Variants in RNF217 observed in about 807,000 individuals in gnomAD.
RNF217 encodes E3 ubiquitin-protein ligase RNF217.
In RNF217, 31 loss-of-function variants were observed where a neutral mutation model predicts 57.8. The ratio of observed to expected loss-of-function variants is 0.54; its 90% CI spans 0.40 to 0.72. The LOEUF is 0.72. RNF217 is among the 30% of genes least tolerant of loss of function. The pLI is 0.00. For synonymous variants in RNF217, 313 were observed against 294.0 expected (o/e 1.06, Z -0.66); for missense variants, 696 against 708.3 (o/e 0.98, Z 0.20).
chr6:125,012,347 G>C (rs1210347493), intron 1 of RNF217, among the ~76,000 whole-genome samples: 1 of 152,090 alleles, frequency 6.6e-6, no homozygotes. Context: ...ATTTACTGAT[G>C]AATTTGAGAT....
At chr6:124,996,523 G>A (rs1784757138) in intron 1 of RNF217, 1 of 151,964 alleles carries the variant, frequency 6.6e-6, no homozygotes, top group African/African-American at 2.4e-5. Context: ...TGTCTTTTAT[G>A]AAGAGTTTTA....
intron 3 of RNF217, among the ~76,000 whole-genome samples, chr6:125,072,891 T>A (rs1029047502): frequency 1.3e-5 from 2 of 152,176 alleles, no homozygotes; most frequent in African/African-American, 4.8e-5. Context: ...ACGAGGATTA[T>A]CACTCAGGCA....
chr6:125,063,617 T>A (rs905335148), intron 3 of RNF217, among the ~76,000 whole-genome samples: 1 of 152,138 alleles, frequency 6.6e-6, no homozygotes, highest in Non-Finnish European at 1.5e-5. Flanking sequence ...ATTTTCAGTG[T>A]ACCACTCAGA....
intron 4 of RNF217, among the ~76,000 whole-genome samples, chr6:125,078,758 G>A (rs1788467058): frequency 6.6e-6 from 1 of 152,100 alleles, no homozygotes; most frequent in African/African-American, 2.4e-5. Context: ...GGTTAAGCTT[G>A]TCAAAGTAGG....
rs938638794 is a variant in RNF217, at chr6:124,963,095, C to T, written c.551C>T (p.Pro184Leu). The T allele has an allele frequency of 1.9e-6, 3 of 1,541,998 alleles. No individual in the cohort carries two copies. The highest frequency in any genetic ancestry group is 1.2e-5 in the South Asian group (1 of 84,778). Residue 184 changes from proline (P) to leucine (L), a missense_variant, in exon 1 of 6, where the codon CCG (proline) becomes CTG (leucine). By Grantham distance (98) the Pro-to-Leu change is moderately conservative. Around this residue, in one of 2 missense-constraint regions of RNF217, gnomAD observed 465 missense variants for 386.8 expected, o/e 1.20. Transcript: ENST00000521654. ...PEAPASEQLS[P>L]PASPPGAPPV... ...GCCCCCGCCTCGGAGCAGCTCTCGC[C>T]GCCCGCGTCGCCACCTGGGGCTCCG...
At chr6:125,000,637 A>T (rs2114278318) in intron 1 of RNF217, among the ~76,000 whole-genome samples, 1 of 152,202 alleles carries the variant, frequency 6.6e-6, no homozygotes, top group Admixed American at 6.5e-5. Flanking sequence ...TCAGATTTGT[A>T]TGCATATTAG....
At chr6:124,970,677 T>C (rs552052658) in intron 1 of RNF217, among the ~76,000 whole-genome samples, 1 of 152,212 alleles carries the variant, frequency 6.6e-6, no homozygotes, top group East Asian at 1.9e-4. Flanking sequence ...CTGGATGAAG[T>C]CACCTGTGGA....
At chr6:125,074,727 C>T (rs1582779482) in intron 3 of RNF217, among the ~76,000 whole-genome samples, 1 of 152,138 alleles carries the variant, frequency 6.6e-6, no homozygotes, top group East Asian at 1.9e-4. Context: ...GTTATAACTA[C>T]ACTACTTCAG....
chr6:125,071,713 A>G (rs1188786604), intron 3 of RNF217, among the ~76,000 whole-genome samples: 2 of 152,170 alleles, frequency 1.3e-5, no homozygotes, highest in Admixed American at 1.3e-4. Context: ...GATATAAGTA[A>G]TGCTTGGTGC....
At position 125,091,157 on chromosome 6, in the gene RNF217, C is replaced by T. The variant is rs1320396802; in HGVS notation, c.*8220C>T. On this transcript the variant is annotated 3_prime_UTR_variant, in exon 6 of 6. Coordinates refer to ENST00000521654, the MANE Select transcript of RNF217 (RefSeq NM_001286398.3). ...TAGCATAGTATATACTTTTCTACCA[C>T]GTTAGCATTTACACTCTAATTACTG... is the stretch of plus-strand genomic sequence containing the variant. 1 of 151,974 alleles carries T rather than the reference C, an allele frequency of 6.6e-6. No individual in the cohort carries two copies. Among genetic ancestry groups the T allele is most frequent in the Non-Finnish European group, 1.5e-5 (1 of 67,910 alleles). 9.4% of individuals were successfully genotyped at this position (151,974 alleles called of 1,614,324 possible).
chr6:124,993,179 G>T (rs1031628147), intron 1 of RNF217, among the ~76,000 whole-genome samples: 1 of 152,210 alleles, frequency 6.6e-6, no homozygotes, highest in African/African-American at 2.4e-5. Context: ...TATCAGAAAC[G>T]CATGAGGCAT....
intron 1 of RNF217, among the ~76,000 whole-genome samples, chr6:125,011,466 T>C (rs1318483474): frequency 6.6e-6 from 1 of 152,128 alleles, no homozygotes; most frequent in Non-Finnish European, 1.5e-5. Context: ...CCCAGCATGC[T>C]CCAATTCCAG....
chr6:125,078,136 T>G lies in RNF217; in HGVS notation c.1483+1278T>G, dbSNP rs577570241. Among the ~76,000 whole-genome samples the G allele has an allele frequency of 6.6e-5, 10 of 152,284 alleles. No individual in the cohort carries two copies. In the South Asian group the frequency reaches 2.1e-3, roughly 32 times the overall value. On this transcript the variant is annotated intron_variant, in intron 4 of 5. Coordinates refer to ENST00000521654, the MANE Select transcript of RNF217 (RefSeq NM_001286398.3). The stretch of plus-strand genomic sequence containing the variant: ...TTTTCCAGTGCGTGCCGCTTCTTAA[T>G]TTGCAAATATGGTGGATGTTATAAT...
chr6:125,052,295 T>TGTGTGTGTGC (rs1229162038), intron 2 of RNF217, among the ~76,000 whole-genome samples: 15 of 136,790 alleles, frequency 1.1e-4, no homozygotes, highest in African/African-American at 4.9e-4. Flanking sequence ...TGTGTGTGTG[T>TGTGTGTGTGC]GTGTGTGTGT....
At chr6:125,078,824 G>A (rs9482593) in intron 4 of RNF217, among the ~76,000 whole-genome samples, 16,255 of 152,086 alleles carry the variant, frequency 0.11, 910 homozygotes, top group Non-Finnish European at 0.12. Context: ...CCCACCCCAA[G>A]CACAGCTGCC....
intron 2 of RNF217, among the ~76,000 whole-genome samples, chr6:125,047,402 A>G (rs1365668353): frequency 6.6e-6 from 1 of 152,086 alleles, no homozygotes; most frequent in Non-Finnish European, 1.5e-5. Context: ...ATCACAATAC[A>G]CATGTATTGA....
intron 1 of RNF217, among the ~76,000 whole-genome samples, chr6:125,012,452 T>G (rs932063630): frequency 2.0e-5 from 3 of 152,204 alleles, no homozygotes. Context: ...TACCCATTTT[T>G]GGGTAATGGT....
intron 3 of RNF217, among the ~76,000 whole-genome samples, chr6:125,065,956 T>A (rs1311788650): frequency 1.3e-5 from 2 of 152,166 alleles, no homozygotes; most frequent in Non-Finnish European, 2.9e-5. Flanking sequence ...CCCAAAATGG[T>A]TCTTCTCATA....
chr6:125,038,817 A>T (rs1344775180), intron 1 of RNF217, among the ~76,000 whole-genome samples: 2 of 152,018 alleles, frequency 1.3e-5, no homozygotes. Flanking sequence ...TGGGTGTATT[A>T]ATGATCTTTT....
Sources: gnomAD v4.1 joint callset for allele counts (sites outside exome capture counted in the v4.1 genomes callset) on GRCh38, gnomAD v4.1.1 for gene constraint, gnomAD v4.1.1 regional missense constraint, MANE v1.5 for transcripts, NCBI Gene and HGNC (gene_info 2026-07-23, HGNC 2026-07-21) for gene names.